The following NFIA variants were observed in gnomAD, a reference collection of about 807,000 sequenced individuals.
NFIA encodes nuclear factor I A.
Under a neutral mutation model 62.8 loss-of-function variants are expected in NFIA, and 8 were observed. The ratio of observed to expected loss-of-function variants is 0.13; its 90% CI spans 0.07 to 0.23. The LOEUF (loss-of-function observed/expected upper bound fraction) is 0.23. NFIA is among the 10% of genes least tolerant of loss of function. NFIA has a pLI of 1.00. For missense variants in NFIA, 410 were observed against 642.1 expected, an observed-to-expected ratio of 0.64 and a Z score of 3.91; for synonymous variants, 235 against 238.1, an observed-to-expected ratio of 0.99 and a Z score of 0.12.
intron 9 of NFIA, among the ~76,000 whole-genome samples, chr1:61,424,979 A>G (rs1419871393): frequency 6.6e-6 from 1 of 152,252 alleles, no homozygotes; most frequent in Non-Finnish European, 1.5e-5. Context: ...TTACATTGCT[A>G]GACAGTATGA....
At chr1:61,234,186 G>A (rs1199331754) in intron 2 of NFIA, among the ~76,000 whole-genome samples, 1 of 152,002 alleles carries the variant, frequency 6.6e-6, no homozygotes, top group Non-Finnish European at 1.5e-5. Flanking sequence ...TGACCCACAT[G>A]GAGAAACCCC....
chr1:61,128,101 T>C (rs1437760000), intron 2 of NFIA, among the ~76,000 whole-genome samples: 2 of 152,256 alleles, frequency 1.3e-5, no homozygotes, highest in East Asian at 3.9e-4. Context: ...CTAATACATT[T>C]AATTTAATTT....
At chr1:61,128,426 CAT>C (rs1353307344) in intron 2 of NFIA, among the ~76,000 whole-genome samples, 1 of 152,072 alleles carries the variant, frequency 6.6e-6, no homozygotes, top group African/African-American at 2.4e-5. Flanking sequence ...GCCTAGGAAA[CAT>C]AGCGAAACCA....
intron 4 of NFIA, among the ~76,000 whole-genome samples, chr1:61,333,668 G>T (rs1661427546): frequency 6.6e-6 from 1 of 152,170 alleles, no homozygotes; most frequent in Non-Finnish European, 1.5e-5. Flanking sequence ...TTAAAGATGA[G>T]TTAAATTGAG....
chr1:61,374,983 C>T (rs192541338), intron 6 of NFIA, among the ~76,000 whole-genome samples: 71 of 152,272 alleles, frequency 4.7e-4, no homozygotes, highest in African/African-American at 1.6e-3. Flanking sequence ...ATCTAACAAA[C>T]GTGTGGTGTC....
At position 61,088,123 on chromosome 1, in the gene NFIA, A is replaced by G. The variant is rs751532257; in HGVS notation, c.28-26A>G. On this transcript the variant is annotated intron_variant, in intron 1 of 10. Coordinates refer to ENST00000403491, the MANE Select transcript of NFIA (RefSeq NM_001134673.4). The surrounding 1 kb of genome is among the most constrained non-coding windows in gnomAD (Gnocchi z 4.5). Reference sequence around the variant, plus strand: ...TTTCTTTTGTTTTCATTCTACTTATATTTTTCTTTTTGTTCATTTTCCTAG... The same window carrying G: ...TTTCTTTTGTTTTCATTCTACTTATGTTTTTCTTTTTGTTCATTTTCCTAG... 40 of 1,560,640 alleles carry G rather than the reference A, an allele frequency of 2.6e-5. No homozygotes were observed. The highest frequency in any genetic ancestry group is 3.5e-5 in the Non-Finnish European group (40 of 1,158,552).
intron 2 of NFIA, among the ~76,000 whole-genome samples, chr1:61,208,368 A>C (rs1256614274): frequency 6.6e-6 from 1 of 152,148 alleles, no homozygotes; most frequent in Non-Finnish European, 1.5e-5. Context: ...AGAGGAAGGG[A>C]AATATGTAGT....
chr1:61,447,837 C>A (rs921153232), intron 10 of NFIA, among the ~76,000 whole-genome samples: 2 of 152,124 alleles, frequency 1.3e-5, no homozygotes, highest in Non-Finnish European at 2.9e-5. Context: ...TTCATTAGAA[C>A]CCCGTCATAA....
At chr1:61,424,348 C>A (rs537999937) in intron 9 of NFIA, among the ~76,000 whole-genome samples, 1 of 151,918 alleles carries the variant, frequency 6.6e-6, no homozygotes, top group Non-Finnish European at 1.5e-5. Context: ...GACACCCCCC[C>A]CTCAACCCCC....
intron 2 of NFIA, among the ~76,000 whole-genome samples, chr1:61,217,355 AC>A (rs1174973670): frequency 6.6e-6 from 1 of 151,940 alleles, no homozygotes; most frequent in African/African-American, 2.4e-5. Context: ...GGTGTGAGCC[AC>A]CCTGCCTGGC....
chr1:61,163,655 A>C (rs1224703244), intron 2 of NFIA, among the ~76,000 whole-genome samples: 1 of 152,212 alleles, frequency 6.6e-6, no homozygotes, highest in Non-Finnish European at 1.5e-5. Flanking sequence ...GTCAGAAAAA[A>C]AGACATACTT....
At chr1:61,443,367 C>T (rs1474154830) in intron 10 of NFIA, among the ~76,000 whole-genome samples, 1 of 152,182 alleles carries the variant, frequency 6.6e-6, no homozygotes, top group Non-Finnish European at 1.5e-5. Context: ...TGGTCTTCAT[C>T]CTTTCTTAGC....
At chr1:61,308,014 A>G (rs1183947825) in intron 3 of NFIA, among the ~76,000 whole-genome samples, 1 of 152,236 alleles carries the variant, frequency 6.6e-6, no homozygotes, top group African/African-American at 2.4e-5. Flanking sequence ...TAGTAGAAGT[A>G]TGATGATATT....
At chr1:61,200,046 A>ATATATATG (rs1652351989) in intron 2 of NFIA, among the ~76,000 whole-genome samples, 1 of 50,268 alleles carries the variant, frequency 2.0e-5, no homozygotes, top group African/African-American at 1.4e-4. Context: ...ATATATATAT[A>ATATATATG]TATATATATA....
intron 2 of NFIA, among the ~76,000 whole-genome samples, chr1:61,160,359 A>G (rs1429625816): frequency 6.6e-6 from 1 of 152,232 alleles, no homozygotes; most frequent in East Asian, 1.9e-4. Flanking sequence ...AATGCAGTCC[A>G]GCAATCTGAT....
At chr1:61,204,745 C>G (rs546602856) in intron 2 of NFIA, among the ~76,000 whole-genome samples, 9 of 152,238 alleles carry the variant, frequency 5.9e-5, no homozygotes, top group African/African-American at 2.2e-4. Flanking sequence ...CACTATAGAA[C>G]AAACTCAACT....
intron 7 of NFIA, among the ~76,000 whole-genome samples, chr1:61,383,569 A>G (rs542886320): frequency 9.2e-5 from 14 of 152,384 alleles, no homozygotes; most frequent in African/African-American, 3.1e-4. Flanking sequence ...AGGCAAAAAG[A>G]GACCAAATCT....
chr1:61,228,846 T>A (rs564422197), intron 2 of NFIA, among the ~76,000 whole-genome samples: 2 of 152,316 alleles, frequency 1.3e-5, no homozygotes, highest in South Asian at 4.1e-4. Context: ...CTCTCTAATG[T>A]TTATTATCTC....
At chr1:61,109,694 G>C (rs1646663802) in intron 2 of NFIA, among the ~76,000 whole-genome samples, 1 of 151,808 alleles carries the variant, frequency 6.6e-6, no homozygotes, top group Admixed American at 6.6e-5. Context: ...TTAATATATT[G>C]AGATTAACAG....
Sources: gnomAD v4.1 joint callset for allele counts (sites outside exome capture counted in the v4.1 genomes callset) on GRCh38, gnomAD v4.1.1 for gene constraint, Gnocchi (gnomAD v3.1) non-coding constraint, MANE v1.5 for transcripts, NCBI Gene and HGNC (gene_info 2026-07-23, HGNC 2026-07-21) for gene names.